The following CTNNA3 variants were observed in gnomAD, a reference collection of about 807,000 sequenced individuals.
CTNNA3 encodes catenin alpha-3.
CTNNA3 carries 76 observed loss-of-function variants against 95.7 expected under a neutral mutation model. That is an observed-to-expected ratio of 0.79 (90% confidence interval 0.66 to 0.96). The LOEUF (loss-of-function observed/expected upper bound fraction) is 0.96. Among genes scored for constraint, CTNNA3 ranks in the 40% least tolerant of loss-of-function variants. CTNNA3 has a pLI of 0.00. For synonymous variants in CTNNA3, 431 were observed against 374.4 expected (o/e 1.15, Z -1.74); for missense variants, 1,191 against 1,089.8 (o/e 1.09, Z -1.31).
chr10:67,713,264 C>G (rs186826532), intron 1 of CTNNA3, among the ~76,000 whole-genome samples: 5 of 152,258 alleles, frequency 3.3e-5, no homozygotes, highest in Non-Finnish European at 7.4e-5. Context: ...GAGTGGCCAT[C>G]ATTAAAAAGT....
intron 6 of CTNNA3, among the ~76,000 whole-genome samples, chr10:67,210,734 G>T (rs1238731032): frequency 2.0e-5 from 3 of 151,768 alleles, no homozygotes; most frequent in African/African-American, 7.3e-5. Context: ...CTGCATATGG[G>T]GGGGGGCTCA....
At chr10:66,576,127 G>A (rs1262117981) in intron 10 of CTNNA3, among the ~76,000 whole-genome samples, 1 of 152,048 alleles carries the variant, frequency 6.6e-6, no homozygotes, top group Non-Finnish European at 1.5e-5. Context: ...CCCACAGATG[G>A]TGGCATTAAT....
intron 13 of CTNNA3, among the ~76,000 whole-genome samples, chr10:66,174,199 C>CT (rs975584029): frequency 1.4e-4 from 22 of 152,136 alleles, no homozygotes; most frequent in African/African-American, 5.3e-4. Flanking sequence ...CTAAGGAAGC[C>CT]TGATCCCAAG....
chr10:66,187,640 A>G (rs2086414158), intron 13 of CTNNA3, among the ~76,000 whole-genome samples: 1 of 151,834 alleles, frequency 6.6e-6, no homozygotes, highest in South Asian at 2.1e-4. Flanking sequence ...CTGTAAGAAA[A>G]TCTCTATCAA....
intron 11 of CTNNA3, among the ~76,000 whole-genome samples, chr10:66,494,933 C>T (rs558952309): frequency 6.6e-6 from 1 of 152,274 alleles, no homozygotes; most frequent in Non-Finnish European, 1.5e-5. Flanking sequence ...GGTGAGAGAG[C>T]ACACACGATA....
chr10:67,217,517 C>G (rs74142444), intron 6 of CTNNA3, among the ~76,000 whole-genome samples: 14,441 of 152,228 alleles, frequency 0.095, 903 homozygotes, highest in South Asian at 0.32. Context: ...TGAAGAACAA[C>G]TGAGTCTGCC....
At chr10:66,446,286 C>G (rs553985672) in intron 11 of CTNNA3, among the ~76,000 whole-genome samples, 1 of 151,982 alleles carries the variant, frequency 6.6e-6, no homozygotes, top group Non-Finnish European at 1.5e-5. Context: ...ACTATTCCAA[C>G]CAATAGAAAA....
chr10:66,122,496 G>A (rs2082625428), intron 13 of CTNNA3, among the ~76,000 whole-genome samples: 1 of 152,116 alleles, frequency 6.6e-6, no homozygotes, highest in African/African-American at 2.4e-5. Flanking sequence ...GAACCTCAGA[G>A]AAGACCAAAC....
chr10:66,501,777 C>G lies in CTNNA3; in HGVS notation c.1531+18840G>C, dbSNP rs970367259. Among the ~76,000 whole-genome samples, 27 of 151,964 alleles carry G rather than the reference C, an allele frequency of 1.8e-4. 1 individual carries two copies. The highest frequency in any genetic ancestry group is 6.0e-4 in the African/African-American group (25 of 41,392). ...GAGGGAGATTCTGATTATTTTGATGCCCTAAATCTCCTAATCCAATAGATG... is the reference window on the plus strand; with the variant it reads ...GAGGGAGATTCTGATTATTTTGATGGCCTAAATCTCCTAATCCAATAGATG... On this transcript the variant is annotated intron_variant, in intron 11 of 17. Coordinates refer to ENST00000433211, the MANE Select transcript of CTNNA3 (RefSeq NM_013266.4).
At chr10:66,724,858 C>T (rs1848732995) in intron 9 of CTNNA3, among the ~76,000 whole-genome samples, 1 of 152,020 alleles carries the variant, frequency 6.6e-6, no homozygotes, top group South Asian at 2.1e-4. Flanking sequence ...TGTAACCTAC[C>T]ATATCCTGAG....
chr10:66,886,176 G>A (rs1845035439), intron 7 of CTNNA3, among the ~76,000 whole-genome samples: 1 of 152,112 alleles, frequency 6.6e-6, no homozygotes, highest in African/African-American at 2.4e-5. Context: ...ATAAATAGGA[G>A]TGCCATAAAT....
At chr10:67,585,126 A>G (rs1564762152) in intron 3 of CTNNA3, among the ~76,000 whole-genome samples, 1 of 152,034 alleles carries the variant, frequency 6.6e-6, no homozygotes, top group East Asian at 1.9e-4. Flanking sequence ...TGCAGAAATC[A>G]CCCATCTTCT....
At chr10:67,604,892 C>A (rs1441817459) in intron 3 of CTNNA3, among the ~76,000 whole-genome samples, 1 of 152,042 alleles carries the variant, frequency 6.6e-6, no homozygotes, top group African/African-American at 2.4e-5. Context: ...ATTATGTTTT[C>A]TATTTATTGT....
chr10:67,255,550 T>C (rs1256559680), intron 5 of CTNNA3, among the ~76,000 whole-genome samples: 1 of 152,204 alleles, frequency 6.6e-6, no homozygotes, highest in Non-Finnish European at 1.5e-5. Context: ...TTTATAGCTA[T>C]TAAATACTTT....
At chr10:67,728,643 T>C (rs1414048548) in intron 1 of CTNNA3, among the ~76,000 whole-genome samples, 5 of 151,876 alleles carry the variant, frequency 3.3e-5, no homozygotes, top group Non-Finnish European at 7.4e-5. Context: ...TTAATTATTA[T>C]GTATATGCAT....
chr10:66,164,465 G>C (rs897073471), intron 13 of CTNNA3, among the ~76,000 whole-genome samples: 1 of 151,442 alleles, frequency 6.6e-6, no homozygotes, highest in African/African-American at 2.4e-5. Flanking sequence ...GGAATAGGAA[G>C]GTATCCAAGA....
chr10:67,118,938 A>G (rs1859332460), intron 7 of CTNNA3, among the ~76,000 whole-genome samples: 1 of 151,958 alleles, frequency 6.6e-6, no homozygotes. Context: ...CTTTTGTACC[A>G]GAGAAAATAT....
chr10:66,144,732 C>T (rs1326345131), intron 13 of CTNNA3, among the ~76,000 whole-genome samples: 1 of 152,200 alleles, frequency 6.6e-6, no homozygotes, highest in Non-Finnish European at 1.5e-5. Flanking sequence ...AGATCATCCA[C>T]CCGCATTGGC....
intron 14 of CTNNA3, among the ~76,000 whole-genome samples, chr10:66,076,287 T>C (rs944676537): frequency 6.6e-6 from 1 of 151,614 alleles, no homozygotes; most frequent in African/African-American, 2.4e-5. Context: ...TGATGGAATT[T>C]TAGAAAATAT....
Sources: allele counts gnomAD v4.1 joint callset (sites outside exome capture counted in the v4.1 genomes callset), GRCh38; gene constraint gnomAD v4.1.1; transcripts MANE v1.5; gene names NCBI Gene and HGNC (gene_info 2026-07-23, HGNC 2026-07-21).